The following TASP1 variants were observed in gnomAD, a reference collection of about 807,000 sequenced individuals.
TASP1 encodes threonine aspartase 1.
A neutral mutation model predicts 56.6 loss-of-function variants in TASP1; 16 were observed. The observed-to-expected ratio is 0.28, with a 90% confidence interval of 0.19 to 0.43. TASP1 has a LOEUF of 0.43. Among genes scored for constraint, TASP1 ranks in the 20% least tolerant of loss-of-function variants. TASP1 has a pLI of 1.00. For synonymous variants in TASP1, 179 were observed against 184.2 expected (o/e 0.97, Z 0.23); for missense variants, 393 against 511.6 (o/e 0.77, Z 2.24).
chr20:13,439,413 A>G (rs1268506907), intron 11 of TASP1, among the ~76,000 whole-genome samples: 1 of 152,202 alleles, frequency 6.6e-6, no homozygotes, highest in African/African-American at 2.4e-5. Context: ...AGGACAAAAA[A>G]CCAAACACCA....
intron 6 of TASP1, among the ~76,000 whole-genome samples, chr20:13,575,373 C>A (rs1189678983): frequency 6.6e-6 from 1 of 152,090 alleles, no homozygotes; most frequent in Non-Finnish European, 1.5e-5. Context: ...GGGAGGGACC[C>A]AGTGGGATAT....
At chr20:13,224,434 G>A in the TASP1 span, among the ~76,000 whole-genome samples, 1 of 152,136 alleles carries the variant, frequency 6.6e-6, no homozygotes, top group African/African-American at 2.4e-5. Context: ...TGTATTTGAA[G>A]ACAAAACTGT....
At chr20:13,164,277 G>A in the TASP1 span, 93 of 459,660 alleles carry the variant, frequency 2.0e-4, no homozygotes, top group Non-Finnish European at 3.4e-4. Context: ...GTATTTAAAA[G>A]CAGGAGGCCT....
the TASP1 span, among the ~76,000 whole-genome samples, chr20:13,307,235 A>C: frequency 6.6e-6 from 1 of 152,188 alleles, no homozygotes; most frequent in African/African-American, 2.4e-5. Flanking sequence ...ACCCTCTTAT[A>C]GCCAATTGGC....
At chr20:13,376,436 A>G in the TASP1 span, among the ~76,000 whole-genome samples, 3 of 151,712 alleles carry the variant, frequency 2.0e-5, no homozygotes, top group South Asian at 2.1e-4. Context: ...TGGTCTATAT[A>G]TCTGTTTTGG....
the TASP1 span, among the ~76,000 whole-genome samples, chr20:13,123,204 G>A: frequency 1.1e-4 from 17 of 151,978 alleles, no homozygotes; most frequent in Non-Finnish European, 2.1e-4. Flanking sequence ...GGTGGCACAC[G>A]CCTGTATTCC....
the TASP1 span, among the ~76,000 whole-genome samples, chr20:13,353,778 C>G: frequency 6.6e-6 from 1 of 152,192 alleles, no homozygotes; most frequent in South Asian, 2.1e-4. Context: ...TACTGGGAAG[C>G]TCCCTTACAT....
chr20:13,522,076 T>A (rs1429997929), intron 10 of TASP1, among the ~76,000 whole-genome samples: 1 of 152,106 alleles, frequency 6.6e-6, no homozygotes, highest in Non-Finnish European at 1.5e-5. Context: ...GCGTGGCATG[T>A]GTGAAGTACT....
intron 4 of TASP1, among the ~76,000 whole-genome samples, chr20:13,616,096 ATCAT>A (rs1470015304): frequency 2.0e-5 from 3 of 152,000 alleles, no homozygotes; most frequent in East Asian, 1.9e-4. Context: ...CACACACACA[ATCAT>A]TCAAAAATCA....
chr20:13,249,498 C>T, the TASP1 span, among the ~76,000 whole-genome samples: 5 of 152,306 alleles, frequency 3.3e-5, no homozygotes, highest in African/African-American at 7.2e-5. Flanking sequence ...AAAGCCCAAT[C>T]GAGGATGTTT....
At chr20:13,464,443 C>T (rs1191939342) in intron 11 of TASP1, among the ~76,000 whole-genome samples, 4 of 152,108 alleles carry the variant, frequency 2.6e-5, no homozygotes, top group African/African-American at 9.7e-5. Context: ...GTTGTTTGAG[C>T]CACCCAGTCT....
At chr20:13,452,923 C>G (rs1242819856) in intron 11 of TASP1, among the ~76,000 whole-genome samples, 1 of 152,080 alleles carries the variant, frequency 6.6e-6, no homozygotes, top group Non-Finnish European at 1.5e-5. Flanking sequence ...ACTACATGAT[C>G]TGGACCTAGA....
Position 13,600,772 on chromosome 20 carries a change from T to C in TASP1, c.283-13402A>G, listed in dbSNP as rs946267277. On this transcript the variant is annotated intron_variant, in intron 4 of 13. Transcript: ENST00000337743. Reference sequence around the variant, plus strand: ...AAAAGCAAGCCATTATACATATACATATGTGTATGTATATGCACACATACA... The same window carrying C: ...AAAAGCAAGCCATTATACATATACACATGTGTATGTATATGCACACATACA... Among the ~76,000 whole-genome samples, 14 of 152,166 alleles carry C rather than the reference T, an allele frequency of 9.2e-5. No individual in the cohort carries two copies. The East Asian group carries it at 9.6e-4, about 10-fold the overall frequency.
intron 10 of TASP1, among the ~76,000 whole-genome samples, chr20:13,483,541 T>G (rs1356627972): frequency 6.6e-6 from 1 of 152,132 alleles, no homozygotes; most frequent in African/African-American, 2.4e-5. Flanking sequence ...AGTTTATCAA[T>G]CAAAAGCAAA....
At chr20:13,177,850 G>C in the TASP1 span, among the ~76,000 whole-genome samples, 1 of 152,100 alleles carries the variant, frequency 6.6e-6, no homozygotes, top group Non-Finnish European at 1.5e-5. Context: ...CATTGGTCTG[G>C]GGAAAGATTT....
Position 13,559,019 on chromosome 20 carries a change from A to AT in TASP1, c.663dup (p.Ser222IlefsTer3). The AT allele has an allele frequency of 6.3e-7, 1 of 1,586,932 alleles. No individual in the cohort carries two copies. The highest frequency in any genetic ancestry group is 8.6e-7 in the Non-Finnish European group (1 of 1,166,326). ...AAACACCACCTGACCTTCTCACTTG[A>AT]TTGTCTTCTTTTCTTTAGTTGCATA... is the stretch of plus-strand genomic sequence containing the variant. On this transcript the variant is annotated frameshift_variant, in exon 8 of 14. Transcript: ENST00000337743. LOFTEE classifies it high-confidence loss of function.
intron 13 of TASP1, among the ~76,000 whole-genome samples, chr20:13,409,952 G>A (rs903001341): frequency 1.3e-5 from 2 of 152,012 alleles, no homozygotes; most frequent in African/African-American, 4.8e-5. Flanking sequence ...CCCATTGACC[G>A]ACCTCTCTTC....
chr20:13,340,752 T>C, the TASP1 span, among the ~76,000 whole-genome samples: 1 of 152,190 alleles, frequency 6.6e-6, no homozygotes, highest in East Asian at 1.9e-4. Context: ...GAAGATCAAA[T>C]ACATGTCTTT....
the TASP1 span, among the ~76,000 whole-genome samples, chr20:13,340,554 T>C: frequency 6.6e-6 from 1 of 152,158 alleles, no homozygotes; most frequent in Non-Finnish European, 1.5e-5. Context: ...ATAATAGATG[T>C]GCATATCTGT....
Sources: allele counts gnomAD v4.1 joint callset (sites outside exome capture counted in the v4.1 genomes callset), GRCh38; gene constraint gnomAD v4.1.1; transcripts MANE v1.5; gene names NCBI Gene and HGNC (gene_info 2026-07-23, HGNC 2026-07-21).